Variants in TTK observed in about 807,000 individuals in gnomAD.
The protein encoded by TTK is dual specificity protein kinase TTK.
Under a neutral mutation model 117.3 loss-of-function variants are expected in TTK, and 59 were observed. The ratio of observed to expected loss-of-function variants is 0.50; its 90% confidence interval spans 0.41 to 0.62. TTK has a LOEUF of 0.62. Ranked by LOEUF, TTK falls within the 20% of genes least tolerant of loss-of-function variation. TTK has a pLI of 0.00. For missense variants in TTK, 921 were observed against 989.4 expected, an observed-to-expected ratio of 0.93 and a Z score of 0.93; for synonymous variants, 302 against 325.0, an observed-to-expected ratio of 0.93 and a Z score of 0.76.
intron 2 of TTK, among the ~76,000 whole-genome samples, chr6:80,006,484 C>T (rs1237799896): frequency 6.6e-6 from 1 of 151,970 alleles, no homozygotes; most frequent in Non-Finnish European, 1.5e-5. Context: ...TATAATTGTG[C>T]TTAATTATGT....
chr6:80,032,075 C>G (rs1767773484), intron 14 of TTK, among the ~76,000 whole-genome samples: 1 of 152,152 alleles, frequency 6.6e-6, no homozygotes. Context: ...TAGAAGGCAT[C>G]TTAAGCATTA....
chr6:80,035,241 G>A (rs760792100), intron 15 of TTK, 25 bp from the exon 16 acceptor site: 1 of 1,561,362 alleles, frequency 6.4e-7, no homozygotes, highest in Non-Finnish European at 8.6e-7. Context: ...TTATTGTTTT[G>A]TTGCTTTTAT....
chr6:80,011,760 G>A lies in TTK; in HGVS notation c.760G>A (p.Gly254Ser). The change falls in exon 7 of 22, where the codon GGT (glycine) becomes AGT (serine). Residue 254 changes from glycine (G) to serine (S), a missense_variant. Physicochemically the swap from Gly to Ser is moderately conservative, Grantham distance 56. Transcript: ENST00000369798. The stretch of plus-strand genomic sequence containing the variant: ...CATGCCACCACAAGATGCAGAAATA[G>A]GTTACCGGAATTCATTGAGACAAAC... The part of the protein sequence containing the change: ...ENMPPQDAEI[G>S]YRNSLRQTNK... 6.2e-7 allele frequency: 1 copy of A among 1,612,764 alleles called. No individual in the cohort carries two copies. The highest frequency in any genetic ancestry group is 8.5e-7 in the Non-Finnish European group (1 of 1,179,192).
In TTK at chr6:80,028,315, T is replaced by TTATG. The variant is rs1195138951; in HGVS notation, c.1521+307_1521+308insGTAT. On this transcript the variant is annotated intron_variant, in intron 13 of 21. Transcript: ENST00000369798. ...TTTTTATTTTTATTTATTTATTTAT[T>TTATG]TATTTATTTATTTATTTTTTGAGAC... 7.3e-5 allele frequency among the ~76,000 whole-genome samples: 11 copies of TTATG among 151,494 alleles called. No individual in the cohort carries two copies. In the East Asian group the frequency reaches 1.7e-3, roughly 24 times the overall value.
rs1326415749 is a variant in TTK at position 80,026,475 on chromosome 6, A to G, written c.1355A>G (p.Lys452Arg). The G allele has an allele frequency of 1.2e-6, 2 of 1,613,804 alleles. No homozygotes were observed. The highest frequency in any genetic ancestry group is 1.7e-6 in the Non-Finnish European group (2 of 1,179,886). The change falls in exon 12 of 22, where the codon AAG becomes AGG. Residue 452 changes from lysine (K) to arginine (R), a missense_variant. Physicochemically the swap from Lys to Arg is conservative, Grantham distance 26. Transcript: ENST00000369798. ...TGGTTTGACCCAAAATCTATTTGTAAGACACCAAGCAGCAATACCTTGGAT... is the reference window on the plus strand; with the variant it reads ...TGGTTTGACCCAAAATCTATTTGTAGGACACCAAGCAGCAATACCTTGGAT... ...SKWFDPKSICKTPSSNTLDDY... is the reference protein window; with the variant it reads ...SKWFDPKSICRTPSSNTLDDY...
intron 1 of TTK, among the ~76,000 whole-genome samples, chr6:80,005,549 C>CT (rs1457247059): frequency 1.1e-4 from 16 of 149,550 alleles, no homozygotes; most frequent in African/African-American, 3.9e-4. Context: ...AGCAAACACT[C>CT]TATCATATTT....
chr6:80,007,592 A>G (rs562881646), intron 2 of TTK, among the ~76,000 whole-genome samples: 2 of 152,246 alleles, frequency 1.3e-5, no homozygotes, highest in South Asian at 4.1e-4. Context: ...TTCAAAATAT[A>G]TAGCTTTTGG....
chr6:80,013,507 G>A lies in TTK; in HGVS notation c.984+141G>A, dbSNP rs1767221873. 6.2e-6 allele frequency: 4 copies of A among 642,096 alleles called. 1 individual carries two copies. Among genetic ancestry groups the A allele is most frequent in the South Asian group, 4.2e-5 (2 of 47,502 alleles). The allele number at this position is 642,096 out of a possible 1,614,324, so 39.8% of individuals were successfully genotyped here. On this transcript the variant is annotated intron_variant, in intron 9 of 21. Transcript: ENST00000369798. The stretch of plus-strand genomic sequence containing the variant: ...GTTCCACATACCCCAAGAGCTGTGG[G>A]ACTACGAGTGGGAAGTTGGTGCAGA...
At chr6:80,004,778 T>C (rs192130) in intron 1 of TTK, 65 bp downstream of exon 1, 7,340 of 151,716 alleles carry the variant, frequency 0.048, 588 homozygotes, top group African/African-American at 0.17. Context: ...TAGGGGCTCA[T>C]TGTTAGCGCT....
chr6:80,021,638 A>C (rs1243276469), intron 10 of TTK, among the ~76,000 whole-genome samples: 3 of 152,216 alleles, frequency 2.0e-5, no homozygotes, highest in Admixed American at 6.5e-5. Flanking sequence ...GAAGAGATGC[A>C]GGAGTGGTGC....
intron 12 of TTK, among the ~76,000 whole-genome samples, chr6:80,026,754 C>T (rs1767619430): frequency 6.6e-6 from 1 of 152,146 alleles, no homozygotes; most frequent in East Asian, 1.9e-4. Flanking sequence ...TAATCTGTAC[C>T]TACAACCTAT....
rs749945284 is a variant in TTK, at chr6:80,027,865, AAT to A, written c.1395-9_1395-8del. The A allele has an allele frequency of 3.1e-5, 45 of 1,470,512 alleles. No homozygotes were observed. Among genetic ancestry groups the A allele is most frequent in the South Asian group, 6.9e-5 (5 of 72,034 alleles). The allele number at this position is 1,470,512 out of a possible 1,614,324, so 91.1% of individuals were successfully genotyped here. A position where few individuals can be genotyped will look rare whatever the true frequency, so the allele number is the denominator to read the frequency against. ...GTTAAATTGTAATGTTTTAAATAAAAATATATATATATTTCCTAGTTTTAGAA... is the reference window on the plus strand; with the variant it reads ...GTTAAATTGTAATGTTTTAAATAAAAATATATATATTTCCTAGTTTTAGAA... On this transcript the variant is annotated intron_variant, in intron 12 of 21. Transcript: ENST00000369798.
chr6:80,013,849 T>C (rs1464562677), intron 9 of TTK, among the ~76,000 whole-genome samples: 4 of 151,848 alleles, frequency 2.6e-5, no homozygotes, highest in Non-Finnish European at 5.9e-5. Flanking sequence ...TTTTAGTTCC[T>C]GGTACACTGT....
Position 80,017,565 on chromosome 6 carries a change from T to C in TTK, c.1108+2979T>C, listed in dbSNP as rs143173798. ...AAGTGCTGGGATTACAAGTGTGAGC[T>C]ATCACACCAGGCCTAATGCTCTCTT... On this transcript the variant is annotated intron_variant, in intron 10 of 21. Coordinates refer to ENST00000369798, the MANE Select transcript of TTK (RefSeq NM_003318.5). Among the ~76,000 whole-genome samples, 62 of 152,280 alleles carry C rather than the reference T, an allele frequency of 4.1e-4. 1 individual carries two copies. Among genetic ancestry groups the C allele is most frequent in the African/African-American group, 1.5e-3 (61 of 41,568 alleles).
intron 10 of TTK, among the ~76,000 whole-genome samples, chr6:80,021,007 A>T (rs1767444545): frequency 6.6e-6 from 1 of 152,232 alleles, no homozygotes; most frequent in Non-Finnish European, 1.5e-5. Context: ...TTGGGTCCAG[A>T]TGGCAAAGAG....
At chr6:80,029,799 G>C (rs143273564) in intron 13 of TTK, among the ~76,000 whole-genome samples, 2 of 152,216 alleles carry the variant, frequency 1.3e-5, no homozygotes, top group African/African-American at 4.8e-5. Flanking sequence ...AGGGGGATGC[G>C]GGAAGTCCTG....
At chr6:80,024,192 G>T (rs239579) in intron 11 of TTK, among the ~76,000 whole-genome samples, 3 of 152,024 alleles carry the variant, frequency 2.0e-5, no homozygotes, top group Admixed American at 6.5e-5. Flanking sequence ...TTTTGGATAA[G>T]AGTCTGGGAG....
chr6:80,037,923 T>C (rs1767949429), intron 17 of TTK, 44 bp from the exon 18 acceptor site: 1 of 1,258,054 alleles, frequency 7.9e-7, no homozygotes, highest in African/African-American at 1.6e-5. Flanking sequence ...AAAGCAGAAT[T>C]AAATATTTTC....
At chr6:80,010,267 A>G (rs1032673400) in intron 4 of TTK, among the ~76,000 whole-genome samples, 7 of 152,004 alleles carry the variant, frequency 4.6e-5, no homozygotes, top group East Asian at 1.9e-4. Flanking sequence ...TCAGGCTGGT[A>G]TAGCTGAGTG....
Sources: gnomAD v4.1 joint callset for allele counts (sites outside exome capture counted in the v4.1 genomes callset) on GRCh38, gnomAD v4.1.1 for gene constraint, MANE v1.5 for transcripts, NCBI Gene and HGNC (gene_info 2026-07-23, HGNC 2026-07-21) for gene names.